CLEC16A: variants seen among roughly 807,000 people sequenced by gnomAD.
CLEC16A encodes the protein C-type lectin domain containing 16A, also known as protein CLEC16A.
A neutral mutation model predicts 109.5 loss-of-function variants in CLEC16A; 51 were observed. The observed-to-expected ratio is 0.47, with a 90% confidence interval of 0.37 to 0.59. The LOEUF (loss-of-function observed/expected upper bound fraction) is 0.59. CLEC16A is among the 20% of genes least tolerant of loss of function. The pLI is 0.00. For missense variants in CLEC16A, 1,339 were observed against 1,394.0 expected (o/e 0.96, Z 0.63); for synonymous variants, 673 against 564.2 (o/e 1.19, Z -2.73).
At chr16:10,947,991 T>C (rs1352602258) in intron 1 of CLEC16A, among the ~76,000 whole-genome samples, 1 of 152,280 alleles carries the variant, frequency 6.6e-6, no homozygotes, top group African/African-American at 2.4e-5. Context: ...CCTCCCGGGT[T>C]CACGCCATTC....
At chr16:11,148,254 A>G (rs945295438) in intron 22 of CLEC16A, among the ~76,000 whole-genome samples, 1 of 152,206 alleles carries the variant, frequency 6.6e-6, no homozygotes, top group Non-Finnish European at 1.5e-5. Context: ...GCTAGATGGT[A>G]TGCCGGCAAC....
chr16:11,052,893 G>A (rs2048024623), intron 18 of CLEC16A, among the ~76,000 whole-genome samples: 1 of 151,974 alleles, frequency 6.6e-6, no homozygotes, highest in Non-Finnish European at 1.5e-5. Flanking sequence ...TTTTGTTGTT[G>A]TTGTTGTTGT....
intron 21 of CLEC16A, among the ~76,000 whole-genome samples, chr16:11,125,680 A>G (rs989798292): frequency 6.6e-6 from 1 of 152,228 alleles, no homozygotes; most frequent in African/African-American, 2.4e-5. Flanking sequence ...CTGAGAATCC[A>G]AAGTGGAAAT....
chr16:11,012,543 C>T (rs992946883), intron 11 of CLEC16A, among the ~76,000 whole-genome samples: 3 of 133,088 alleles, frequency 2.3e-5, no homozygotes, highest in South Asian at 2.3e-4. Flanking sequence ...TGTGGTGAGC[C>T]GAGATCACGC....
At chr16:10,960,944 C>T (rs577132975) in intron 2 of CLEC16A, among the ~76,000 whole-genome samples, 1 of 152,322 alleles carries the variant, frequency 6.6e-6, no homozygotes, top group South Asian at 2.1e-4. Flanking sequence ...CTTCCTGGTA[C>T]TGTAAAATGC....
At chr16:11,124,589 T>C (rs1216527646) in intron 21 of CLEC16A, among the ~76,000 whole-genome samples, 2 of 152,166 alleles carry the variant, frequency 1.3e-5, no homozygotes, top group East Asian at 3.9e-4. Flanking sequence ...GTCACAGAAA[T>C]GAGGGAGATG....
At chr16:11,156,679 G>C (rs1382577130) in intron 22 of CLEC16A, 1 of 1,303,810 alleles carries the variant, frequency 7.7e-7, no homozygotes, top group South Asian at 1.2e-5. Flanking sequence ...CTAATTTACA[G>C]ACGGTAATAC....
chr16:10,972,868 T>A, intron 6 of CLEC16A, 70 bp from the exon 7 acceptor site: 1 of 1,250,050 alleles, frequency 8.0e-7, no homozygotes, highest in Non-Finnish European at 1.1e-6. Context: ...TTTGTTTTTG[T>A]TTTTTTTTTA....
chr16:11,042,015 A>G, intron 14 of CLEC16A: 1 of 487,404 alleles, frequency 2.1e-6, no homozygotes, highest in Non-Finnish European at 3.7e-6. Context: ...GCACCCTGTC[A>G]GTAAAGGGAC....
chr16:11,092,357 A>ACACACAC (rs1555485466), intron 19 of CLEC16A, among the ~76,000 whole-genome samples: 1 of 66,616 alleles, frequency 1.5e-5, no homozygotes, highest in South Asian at 5.4e-4. Flanking sequence ...AACAAACAAA[A>ACACACAC]ACAAACACAC....
chr16:11,016,430 C>G (rs540289031), intron 11 of CLEC16A, among the ~76,000 whole-genome samples: 1 of 151,774 alleles, frequency 6.6e-6, no homozygotes, highest in South Asian at 2.1e-4. Flanking sequence ...CTCACTGCAA[C>G]CCCCACCCCC....
chr16:11,078,906 G>A (rs1379173927), intron 19 of CLEC16A, among the ~76,000 whole-genome samples: 2 of 152,154 alleles, frequency 1.3e-5, no homozygotes, highest in Non-Finnish European at 2.9e-5. Context: ...CCACTTTCCT[G>A]CATCCGTGTA....
chr16:11,040,017 C>T (rs1480591872), intron 14 of CLEC16A, 141 bp downstream of exon 14: 1 of 1,053,654 alleles, frequency 9.5e-7, no homozygotes, highest in East Asian at 2.8e-5. Context: ...GCCTCTCAAC[C>T]CCTGCATCCT....
chr16:11,180,256 G>T lies in CLEC16A; in HGVS notation c.*1566G>T, dbSNP rs532215651. On this transcript the variant is annotated 3_prime_UTR_variant, in exon 24 of 24. Coordinates refer to ENST00000409790, the MANE Select transcript of CLEC16A (RefSeq NM_015226.3). ...TTTTCAACCTCATGAAGGAAACACA[G>T]TCCTGCCAAGGAGGGGGAGTGGCGC... The T allele has an allele frequency of 6.6e-6, 1 of 152,576 alleles. No individual in the cohort carries two copies. The highest frequency in any genetic ancestry group is 1.9e-4 in the East Asian group (1 of 5,190). 9.5% of individuals were successfully genotyped at this position (152,576 alleles called of 1,614,324 possible).
chr16:11,075,309 G>A (rs377712672), intron 19 of CLEC16A, among the ~76,000 whole-genome samples: 2 of 151,850 alleles, frequency 1.3e-5, no homozygotes, highest in Non-Finnish European at 2.9e-5. Flanking sequence ...GCACCAGAGG[G>A]CTTCCAGGGA....
At chr16:11,052,574 A>C (rs1271106503) in intron 18 of CLEC16A, among the ~76,000 whole-genome samples, 1 of 152,066 alleles carries the variant, frequency 6.6e-6, no homozygotes, top group Non-Finnish European at 1.5e-5. Flanking sequence ...CCAAACCCAC[A>C]AGCCTCACCG....
At position 11,120,745 on chromosome 16, in the gene CLEC16A, C is replaced by G. The variant is rs2052342727; in HGVS notation, c.2247C>G (p.Val749=). The change falls in exon 20 of 24, where the codon GTC becomes GTG. Residue 749 remains valine (V), a synonymous_variant. Coordinates refer to ENST00000409790, the MANE Select transcript of CLEC16A (RefSeq NM_015226.3). ...PDVSRLGWGV[V]KFAGLLQDMQ... ...TGTCCAGGCTTGGCTGGGGAGTGGTCAAGTTTGCAGGCCTATTGCAGGTAA... is the reference window on the plus strand; with the variant it reads ...TGTCCAGGCTTGGCTGGGGAGTGGTGAAGTTTGCAGGCCTATTGCAGGTAA... 2 of 1,568,208 alleles carry G rather than the reference C, an allele frequency of 1.3e-6. No homozygotes were observed. Among genetic ancestry groups the G allele is most frequent in the Non-Finnish European group, 1.7e-6 (2 of 1,155,438 alleles).
chr16:10,990,322 T>C (rs1178224216), intron 10 of CLEC16A, among the ~76,000 whole-genome samples: 1 of 152,236 alleles, frequency 6.6e-6, no homozygotes, highest in Non-Finnish European at 1.5e-5. Context: ...GGATTTGATA[T>C]AATCAAAATC....
At chr16:11,148,301 A>G (rs1185723906) in intron 22 of CLEC16A, among the ~76,000 whole-genome samples, 3 of 152,184 alleles carry the variant, frequency 2.0e-5, no homozygotes, top group Non-Finnish European at 4.4e-5. Flanking sequence ...TAAAAATGTC[A>G]TCTCAAATGC....
Sources: gnomAD v4.1 joint callset for allele counts (sites outside exome capture counted in the v4.1 genomes callset) on GRCh38, gnomAD v4.1.1 for gene constraint, MANE v1.5 for transcripts, NCBI Gene and HGNC (gene_info 2026-07-23, HGNC 2026-07-21) for gene names.